The following HYDIN variants were observed in gnomAD, a reference collection of about 807,000 sequenced individuals.
HYDIN encodes the protein HYDIN axonemal central pair apparatus protein.
HYDIN carries 132 observed loss-of-function variants against 403.9 expected under a neutral mutation model. The ratio of observed to expected loss-of-function variants is 0.33; its 90% CI spans 0.28 to 0.38. HYDIN has a LOEUF of 0.38. Ranked by LOEUF, HYDIN falls within the 10% of genes least tolerant of loss-of-function variation. HYDIN has a pLI of 1.00. For synonymous variants in HYDIN, 1,202 were observed against 1,891.7 expected (o/e 0.64, Z 9.46); for missense variants, 2,827 against 5,009.5 (o/e 0.56, Z 13.15).
rs796816733 is a variant in HYDIN, at chr16:70,960,288, C to T, written c.5969-468G>A. On this transcript the variant is annotated intron_variant, in intron 38 of 85. Coordinates refer to ENST00000393567, the MANE Select transcript of HYDIN (RefSeq NM_001270974.2). ...CCAAATCTGTCCTGCTGCTTGTTTT[C>T]GTAAATCAAGTTGTATTGGAACATA... Among the ~76,000 whole-genome samples the T allele has an allele frequency of 4.0e-5, 6 of 151,474 alleles. No individual in the cohort carries two copies. The East Asian group carries it at 5.8e-4, about 15-fold the overall frequency.
chr16:71,163,119 CTTT>C (rs71272746), intron 5 of HYDIN, among the ~76,000 whole-genome samples: 8 of 120,758 alleles, frequency 6.6e-5, no homozygotes, highest in Non-Finnish European at 1.0e-4. Flanking sequence ...AATGATGTTT[CTTT>C]TTTTTTTTTT....
At chr16:70,885,527 C>A (rs2041077269) in intron 58 of HYDIN, among the ~76,000 whole-genome samples, 1 of 152,078 alleles carries the variant, frequency 6.6e-6, no homozygotes. Flanking sequence ...ACTGAGGCAG[C>A]AGAAAGCTAG....
intron 5 of HYDIN, among the ~76,000 whole-genome samples, chr16:71,167,073 T>A (rs1353194095): frequency 2.7e-5 from 4 of 147,168 alleles, no homozygotes; most frequent in South Asian, 2.2e-4. Flanking sequence ...TCAAAAAAAT[T>A]AATAAATAAA....
At chr16:71,197,457 TTTGA>T (rs1424484174) in intron 1 of HYDIN, among the ~76,000 whole-genome samples, 3 of 152,162 alleles carry the variant, frequency 2.0e-5, no homozygotes, top group African/African-American at 2.4e-5. Context: ...ATTGTTACAG[TTTGA>T]TTGAGCAGGT....
At chr16:70,876,242 G>C (rs1008504237) in intron 62 of HYDIN, among the ~76,000 whole-genome samples, 23 of 147,854 alleles carry the variant, frequency 1.6e-4, no homozygotes, top group Admixed American at 3.4e-4. Context: ...CCGGAGCGCA[G>C]TGGTGAAATC....
intron 10 of HYDIN, among the ~76,000 whole-genome samples, chr16:71,110,349 TA>T (rs144140742): frequency 7.0e-6 from 1 of 141,946 alleles, no homozygotes; most frequent in African/African-American, 2.6e-5. Context: ...TATTTATAGA[TA>T]TTTTATATAT....
rs576331482 is a variant in HYDIN, at chr16:70,970,768, C to G, written c.5380-9G>C. 6.3e-7 allele frequency: 1 copy of G among 1,592,912 alleles called. No homozygotes were observed. The highest frequency in any genetic ancestry group is 8.6e-7 in the Non-Finnish European group (1 of 1,166,572). On this transcript the variant is annotated splice_polypyrimidine_tract_variant and intron_variant, in intron 35 of 85. Coordinates refer to ENST00000393567, the MANE Select transcript of HYDIN (RefSeq NM_001270974.2). The stretch of plus-strand genomic sequence containing the variant: ...GTTTGGCTGTAGAATTTCTGGAAAA[C>G]ATAAAAACAAAACAAGCATCTGAGT...
chr16:70,819,714 T>G (rs1280324159), intron 83 of HYDIN, among the ~76,000 whole-genome samples: 1 of 149,078 alleles, frequency 6.7e-6, no homozygotes, highest in Non-Finnish European at 1.5e-5. Context: ...TTGTAACACA[T>G]TGGGTTGTTT....
intron 76 of HYDIN, among the ~76,000 whole-genome samples, 198 bp downstream of exon 76, chr16:70,839,866 T>C (rs143208462): frequency 0.069 from 10,032 of 145,466 alleles, 373 homozygotes; most frequent in East Asian, 0.11. Flanking sequence ...AGAGGATTTT[T>C]AGCAGGGTAG....
intron 59 of HYDIN, among the ~76,000 whole-genome samples, chr16:70,883,188 G>A (rs1182222349): frequency 6.6e-6 from 1 of 151,892 alleles, no homozygotes; most frequent in Non-Finnish European, 1.5e-5. Flanking sequence ...CAAGGCTCCA[G>A]GGATCCTATC....
intron 6 of HYDIN, among the ~76,000 whole-genome samples, chr16:71,158,373 A>G (rs1385782135): frequency 2.6e-5 from 4 of 152,222 alleles, no homozygotes; most frequent in African/African-American, 9.6e-5. Flanking sequence ...TTAGGAAAAC[A>G]TAATTCATAT....
Position 70,818,421 on chromosome 16 carries a change from T to C in HYDIN, c.14579A>G (p.Tyr4860Cys). The C allele has an allele frequency of 6.2e-7, 1 of 1,612,878 alleles. No individual in the cohort carries two copies. Among genetic ancestry groups the C allele is most frequent in the Non-Finnish European group, 8.5e-7 (1 of 1,179,504 alleles). The change falls in exon 84 of 86, where the codon TAC (tyrosine) becomes TGC (cysteine). Residue 4860 changes from tyrosine (Y) to cysteine (C), a missense_variant. By Grantham distance (194) the Tyr-to-Cys change is radical (BLOSUM62 -2). Transcript: ENST00000393567. Reference sequence around the variant, plus strand: ...GCATTCCGTGGAGAAGGTCACCGAGTAGGGCAGAGGGTTCTCCAACTTGAT... The same window carrying C: ...GCATTCCGTGGAGAAGGTCACCGAGCAGGGCAGAGGGTTCTCCAACTTGAT... ...ASIKLENPLP[Y>C]SVTFSTECRM...
chr16:70,942,545 G>T (rs1178561462), intron 42 of HYDIN, among the ~76,000 whole-genome samples: 1 of 152,216 alleles, frequency 6.6e-6, no homozygotes, highest in African/African-American at 2.4e-5. Flanking sequence ...TAATGATTTT[G>T]GTAACAGTAA....
intron 20 of HYDIN, chr16:71,027,152 G>T (rs2080736104): frequency 9.6e-7 from 1 of 1,041,606 alleles, no homozygotes; most frequent in Non-Finnish European, 1.2e-6. Context: ...ATAAAAAGAA[G>T]ATGTTTTGAA....
At chr16:70,968,916 TA>T (rs1180253862) in intron 36 of HYDIN, among the ~76,000 whole-genome samples, 1 of 150,012 alleles carries the variant, frequency 6.7e-6, no homozygotes, top group Non-Finnish European at 1.5e-5. Context: ...TTGAAGCAAA[TA>T]AAAAAAAGAA....
At chr16:70,850,788 T>G in intron 73 of HYDIN, 133 bp from the exon 74 acceptor site, 2 of 756,372 alleles carry the variant, frequency 2.6e-6, no homozygotes, top group Middle Eastern at 3.9e-4. Context: ...ATTTTAAGAT[T>G]TGTGGCTATA....
chr16:70,995,706 C>A (rs913735898), intron 23 of HYDIN, among the ~76,000 whole-genome samples: 1 of 152,036 alleles, frequency 6.6e-6, no homozygotes, highest in African/African-American at 2.4e-5. Flanking sequence ...TTGAAGTCTG[C>A]GCAGTGTAGT....
At chr16:70,939,219 G>C (rs2077594229) in intron 43 of HYDIN, among the ~76,000 whole-genome samples, 1 of 152,198 alleles carries the variant, frequency 6.6e-6, no homozygotes. Flanking sequence ...CTAGAAGCCA[G>C]AAAAGACAAG....
intron 13 of HYDIN, chr16:71,075,812 G>C (rs572542711): frequency 5.1e-6 from 1 of 195,270 alleles, no homozygotes; most frequent in East Asian, 1.4e-4. Flanking sequence ...TGGCTAAATA[G>C]GTTGAGGGGA....
Sources: gnomAD v4.1 joint callset for allele counts (sites outside exome capture counted in the v4.1 genomes callset) on GRCh38, gnomAD v4.1.1 for gene constraint, MANE v1.5 for transcripts, NCBI Gene and HGNC (gene_info 2026-07-23, HGNC 2026-07-21) for gene names.